The following P4HTM variants were observed in gnomAD, a reference collection of about 807,000 sequenced individuals.
The protein encoded by P4HTM is prolyl 4-hydroxylase, transmembrane, also known as transmembrane prolyl 4-hydroxylase.
A neutral mutation model predicts 55.3 loss-of-function variants in P4HTM; 33 were observed. The ratio of observed to expected loss-of-function variants is 0.60; its 90% CI spans 0.45 to 0.80. P4HTM has a LOEUF of 0.80. Among genes scored for constraint, P4HTM ranks in the 30% least tolerant of loss-of-function variants. The pLI is 0.00. For missense variants in P4HTM, 542 were observed against 696.5 expected, an observed-to-expected ratio of 0.78 and a Z score of 2.50; for synonymous variants, 272 against 286.4, an observed-to-expected ratio of 0.95 and a Z score of 0.51.
chr3:49,001,118 T>G (rs2092959779), intron 2 of P4HTM: 1 of 424,768 alleles, frequency 2.4e-6, no homozygotes, highest in Non-Finnish European at 4.4e-6. Flanking sequence ...CCCTTCAGGA[T>G]CACTCTCTAG....
rs1171255233 is a variant in P4HTM at position 49,006,743 on chromosome 3, G to A, written c.1345G>A (p.Gly449Ser). The A allele has an allele frequency of 2.5e-6, 4 of 1,613,730 alleles. No homozygotes were observed. The Admixed American group carries it at 6.7e-5, about 27-fold the overall frequency. ...SLHGGCLVTRGTKWIANNWIN... is the reference protein window; with the variant it reads ...SLHGGCLVTRSTKWIANNWIN... ...GCACGGGGGCTGCCTGGTCACGCGC[G>A]GCACCAAGTGGATTGCCAACAACTG... Residue 449 changes from glycine to serine, a missense_variant, in exon 9 of 9, where the codon GGC (glycine) becomes AGC (serine). By Grantham distance (56) the Gly-to-Ser change is moderately conservative. This residue lies in a region of P4HTM where 536 missense variants were observed against 672.1 expected (regional missense o/e 0.80). Transcript: ENST00000383729.
intron 8 of P4HTM, 107 bp downstream of exon 8, chr3:49,006,294 G>C: frequency 7.6e-7 from 1 of 1,310,816 alleles, no homozygotes; most frequent in Non-Finnish European, 1.1e-6. Flanking sequence ...TTTCCAAATA[G>C]TTTTCTGCTC....
intron 4 of P4HTM, chr3:49,003,492 C>G (rs1375726612): frequency 6.5e-6 from 1 of 154,648 alleles, no homozygotes; most frequent in Admixed American, 6.4e-5. Context: ...GGGTAGAACC[C>G]CTGCTTAATG....
In P4HTM at chr3:48,990,697, C is replaced by T; in HGVS notation, c.354+87C>T. 6.9e-7 allele frequency: 1 copy of T among 1,458,186 alleles called. No homozygotes were observed. Among genetic ancestry groups the T allele is most frequent in the East Asian group, 2.5e-5 (1 of 40,080 alleles). 90.3% of individuals were successfully genotyped at this position (1,458,186 alleles called of 1,614,324 possible). On this transcript the variant is annotated intron_variant, in intron 1 of 8. Coordinates refer to ENST00000383729, the MANE Select transcript of P4HTM (RefSeq NM_177939.3). This position sits in a 1 kb window ranked among gnomAD's most constrained non-coding sequence, Gnocchi z 7.2. ...CGCTCAGCCCGGGTCCCCACGCTGC[C>T]CCCGGCGCTGCTCTGCGTCGGTCCC...
chr3:49,006,705 A>T lies in P4HTM; in HGVS notation c.1307A>T (p.Asp436Val), dbSNP rs1212960744. The stretch of plus-strand genomic sequence containing the variant: ...CTTCTAGGTTGGGTGGGTGACGTAG[A>T]CGACTACTCGCTGCACGGGGGCTGC... ...PDGQGWVGDV[D>V]DYSLHGGCLV... The change falls in exon 9 of 9, where the codon GAC becomes GTC. Residue 436 changes from aspartate (D) to valine (V), a missense_variant. By Grantham distance (152) the Asp-to-Val change is radical. Transcript: ENST00000383729. 1 of 1,613,624 alleles carries T rather than the reference A, an allele frequency of 6.2e-7. No individual in the cohort carries two copies. The highest frequency in any genetic ancestry group is 8.5e-7 in the Non-Finnish European group (1 of 1,180,010).
intron 2 of P4HTM, among the ~76,000 whole-genome samples, chr3:48,994,270 C>T (rs1388649888): frequency 6.6e-6 from 1 of 152,190 alleles, no homozygotes; most frequent in Non-Finnish European, 1.5e-5. Context: ...CCCCCTCTGC[C>T]ATGCTGTTCT....
chr3:49,004,762 G>A (rs1424445828), intron 5 of P4HTM, 99 bp from the exon 6 acceptor site: 3 of 1,273,460 alleles, frequency 2.4e-6, no homozygotes, highest in East Asian at 4.6e-5. Flanking sequence ...GAGGTGGGTA[G>A]GGGCAAAGCT....
chr3:49,001,143 C>A, intron 2 of P4HTM: 1 of 470,046 alleles, frequency 2.1e-6, no homozygotes, highest in Middle Eastern at 6.1e-4. Context: ...CAGTCCCAAC[C>A]CAAAGATGGG....
chr3:49,004,370 A>G, intron 5 of P4HTM, 110 bp downstream of exon 5: 1 of 1,116,294 alleles, frequency 9.0e-7, no homozygotes, highest in Non-Finnish European at 1.2e-6. Flanking sequence ...CCCATTTGGG[A>G]TTAAGTTCCA....
intron 2 of P4HTM, chr3:48,992,042 T>C (rs965642571): frequency 6.6e-6 from 1 of 152,200 alleles, no homozygotes; most frequent in African/African-American, 2.4e-5. Context: ...AGTCCTGTTG[T>C]GGGAGAGGCA....
At chr3:48,990,160 C>G, upstream of P4HTM, 1 of 1,048,318 alleles carries the variant, frequency 9.5e-7, no homozygotes, top group South Asian at 4.6e-5. This position sits in a 1 kb window ranked among gnomAD's most constrained non-coding sequence, Gnocchi z 7.2. Context: ...TCCTAGTGAC[C>G]GCGGCGCTCG....
In P4HTM at chr3:49,002,438, T is replaced by C. The variant is rs1377493232; in HGVS notation, c.628-62T>C. 1 of 1,194,726 alleles carries C rather than the reference T, an allele frequency of 8.4e-7. No individual in the cohort carries two copies. The highest frequency in any genetic ancestry group is 1.3e-5 in the South Asian group (1 of 79,382). The allele number at this position is 1,194,726 out of a possible 1,614,324, so 74.0% of individuals were successfully genotyped here. ...TTGCTCCACAACAAGCACTGGGCCA[T>C]CTGTTCTCTGCTGGCTCTCCATCAC... On this transcript the variant is annotated intron_variant, in intron 3 of 8. Transcript: ENST00000383729. The surrounding 1 kb of genome is among the most constrained non-coding windows in gnomAD (Gnocchi z 4.4).
Position 49,006,742 on chromosome 3 carries a change from C to A in P4HTM, c.1344C>A (p.Arg448=), listed in dbSNP as rs1559892877. 1 of 1,613,722 alleles carries A rather than the reference C, an allele frequency of 6.2e-7. No individual in the cohort carries two copies. Reference sequence around the variant, plus strand: ...TGCACGGGGGCTGCCTGGTCACGCGCGGCACCAAGTGGATTGCCAACAACT... The same window carrying A: ...TGCACGGGGGCTGCCTGGTCACGCGAGGCACCAAGTGGATTGCCAACAACT... ...YSLHGGCLVT[R]GTKWIANNWI... Residue 448 remains arginine (R), a synonymous_variant, in exon 9 of 9, where the codon CGC becomes CGA. Coordinates refer to ENST00000383729, the MANE Select transcript of P4HTM (RefSeq NM_177939.3).
upstream of P4HTM, chr3:48,990,213 A>G: frequency 1.8e-6 from 2 of 1,140,166 alleles, no homozygotes; most frequent in Non-Finnish European, 2.1e-6. This position sits in a 1 kb window ranked among gnomAD's most constrained non-coding sequence, Gnocchi z 7.2. Context: ...CAGCGCGGGC[A>G]CCCCCGCGGC....
upstream of P4HTM, chr3:48,990,110 C>T (rs1250164083): frequency 9.8e-6 from 7 of 716,666 alleles, no homozygotes; most frequent in Non-Finnish European, 7.0e-6. The surrounding 1 kb of genome is among the most constrained non-coding windows in gnomAD (Gnocchi z 7.2). Context: ...GGCGCGGACG[C>T]AGGCGGCTCC....
In P4HTM at chr3:48,990,774, G is replaced by A. The variant is rs1389832295; in HGVS notation, c.355-59G>A. Reference sequence around the variant, plus strand: ...TCGCTCTCCGGGCCGGGGCGACTTGGCCCTTCTTGGGCAGCGCGGTCTGGC... The same window carrying A: ...TCGCTCTCCGGGCCGGGGCGACTTGACCCTTCTTGGGCAGCGCGGTCTGGC... On this transcript the variant is annotated intron_variant, in intron 1 of 8. Coordinates refer to ENST00000383729, the MANE Select transcript of P4HTM (RefSeq NM_177939.3). The surrounding 1 kb of genome is among the most constrained non-coding windows in gnomAD (Gnocchi z 7.2). 1.9e-6 allele frequency: 3 copies of A among 1,569,678 alleles called. No homozygotes were observed. The African/African-American group carries it at 4.1e-5, about 21-fold the overall frequency.
chr3:48,992,072 A>G (rs1026219086), intron 2 of P4HTM: 1 of 152,196 alleles, frequency 6.6e-6, no homozygotes, highest in Non-Finnish European at 1.5e-5. Flanking sequence ...GGTTGTTGTT[A>G]TTATTACTAT....
rs529952889 is a variant in P4HTM, at chr3:49,002,215, C to G, written c.628-285C>G. On this transcript the variant is annotated intron_variant, in intron 3 of 8. Transcript: ENST00000383729. This position sits in a 1 kb window ranked among gnomAD's most constrained non-coding sequence, Gnocchi z 4.4. Reference sequence around the variant, plus strand: ...CGGAGTATCTGAGTGGGACACAGGCCTGTCCTTCACTCTGCTTCCAACCAA... The same window carrying G: ...CGGAGTATCTGAGTGGGACACAGGCGTGTCCTTCACTCTGCTTCCAACCAA... 9.2e-5 allele frequency among the ~76,000 whole-genome samples: 14 copies of G among 152,366 alleles called. No individual in the cohort carries two copies. Among genetic ancestry groups the G allele is most frequent in the South Asian group, 2.1e-4 (1 of 4,832 alleles).
intron 2 of P4HTM, among the ~76,000 whole-genome samples, chr3:48,995,471 T>G (rs1200427264): frequency 6.6e-6 from 1 of 152,194 alleles, no homozygotes; most frequent in African/African-American, 2.4e-5. Context: ...GGAAACTATT[T>G]TCCGTATTTA....
Sources: allele counts gnomAD v4.1 joint callset (sites outside exome capture counted in the v4.1 genomes callset), GRCh38; gene constraint gnomAD v4.1.1; regional missense constraint gnomAD v4.1.1; non-coding constraint Gnocchi (gnomAD v3.1); transcripts MANE v1.5; gene names NCBI Gene and HGNC (gene_info 2026-07-23, HGNC 2026-07-21).